The following MAP3K5 variants were observed in gnomAD, a reference collection of about 807,000 sequenced individuals.
The protein encoded by MAP3K5 is ASK-1.
Under a neutral mutation model 158.7 loss-of-function variants are expected in MAP3K5, and 56 were observed. The ratio of observed to expected loss-of-function variants is 0.35; its 90% CI spans 0.28 to 0.44. MAP3K5 has a LOEUF of 0.44. Ranked by LOEUF, MAP3K5 falls within the 20% of genes least tolerant of loss-of-function variation. The pLI, the probability that MAP3K5 is intolerant of heterozygous loss-of-function variation, is 1.00. For missense variants in MAP3K5, 1,294 were observed against 1,674.8 expected (o/e 0.77, Z 3.97); for synonymous variants, 579 against 601.7 (o/e 0.96, Z 0.55).
intron 15 of MAP3K5, among the ~76,000 whole-genome samples, chr6:136,622,332 T>G (rs1250184036): frequency 1.3e-5 from 2 of 152,094 alleles, no homozygotes; most frequent in Non-Finnish European, 2.9e-5. Context: ...CCCACAGAGG[T>G]GAGCAGATCA....
At chr6:136,587,597 T>C (rs1233310410) in intron 23 of MAP3K5, among the ~76,000 whole-genome samples, 1 of 152,100 alleles carries the variant, frequency 6.6e-6, no homozygotes, top group African/African-American at 2.4e-5. Flanking sequence ...TGACCTGCAA[T>C]AGCAGCTGTC....
intron 2 of MAP3K5, among the ~76,000 whole-genome samples, chr6:136,707,249 T>A (rs1180451770): frequency 3.9e-5 from 6 of 152,238 alleles, no homozygotes; most frequent in African/African-American, 1.4e-4. Flanking sequence ...TAAGTCTGGA[T>A]GGAAATGTGT....
At chr6:136,605,111 A>C in intron 19 of MAP3K5, 98 bp downstream of exon 19, 1 of 1,233,334 alleles carries the variant, frequency 8.1e-7, no homozygotes, top group Non-Finnish European at 1.1e-6. Flanking sequence ...GTGTTTACTT[A>C]GCACCCTTTA....
At chr6:136,611,085 G>C (rs956693925) in intron 18 of MAP3K5, among the ~76,000 whole-genome samples, 197 bp downstream of exon 18, 1 of 127,068 alleles carries the variant, frequency 7.9e-6, no homozygotes, top group African/African-American at 3.0e-5. Flanking sequence ...TCCAGCCTAG[G>C]TGACAGGGCA....
chr6:136,777,776 C>T (rs757680576), intron 1 of MAP3K5, among the ~76,000 whole-genome samples: 2 of 149,642 alleles, frequency 1.3e-5, no homozygotes, highest in African/African-American at 2.5e-5. Context: ...TCTAAAGGAA[C>T]CTGGTTTGTT....
intron 7 of MAP3K5, among the ~76,000 whole-genome samples, chr6:136,692,071 C>CTTTTTTTT (rs201011698): frequency 6.7e-6 from 1 of 149,546 alleles, no homozygotes; most frequent in African/African-American, 2.5e-5. Flanking sequence ...TCTTTTTTTT[C>CTTTTTTTT]TTTTTTTCTT....
intron 23 of MAP3K5, 117 bp from the exon 24 acceptor site, chr6:136,583,857 C>A: frequency 1.1e-6 from 1 of 897,338 alleles, no homozygotes; most frequent in South Asian, 1.7e-5. Context: ...GAGACAAGGT[C>A]TCACTATATT....
chr6:136,711,525 G>T (rs538279310), intron 2 of MAP3K5, among the ~76,000 whole-genome samples: 4 of 152,026 alleles, frequency 2.6e-5, no homozygotes, highest in Admixed American at 2.0e-4. Context: ...AATTAGCCAG[G>T]TGTAGCAGCA....
intron 1 of MAP3K5, among the ~76,000 whole-genome samples, chr6:136,752,818 C>G (rs1368937804): frequency 6.6e-6 from 1 of 152,178 alleles, no homozygotes; most frequent in Non-Finnish European, 1.5e-5. Flanking sequence ...AGAAGTTCAG[C>G]GTGGCTGGGA....
intron 8 of MAP3K5, among the ~76,000 whole-genome samples, chr6:136,660,316 C>T (rs1778949345): frequency 6.6e-6 from 1 of 151,934 alleles, no homozygotes; most frequent in East Asian, 1.9e-4. Context: ...CTTCGGAGGG[C>T]CGAGGTGGGA....
At chr6:136,646,614 C>T (rs1778269379) in intron 11 of MAP3K5, among the ~76,000 whole-genome samples, 1 of 152,186 alleles carries the variant, frequency 6.6e-6, no homozygotes, top group African/African-American at 2.4e-5. Context: ...CCTTGGATAA[C>T]CTTGCTCTTT....
intron 18 of MAP3K5, among the ~76,000 whole-genome samples, chr6:136,606,191 A>C (rs566369239): frequency 1.3e-5 from 2 of 152,246 alleles, no homozygotes; most frequent in East Asian, 3.9e-4. Flanking sequence ...TCTCTACTAA[A>C]AATACAAAAA....
intron 1 of MAP3K5, among the ~76,000 whole-genome samples, chr6:136,790,406 G>A (rs1000857647): frequency 6.6e-6 from 1 of 152,160 alleles, no homozygotes; most frequent in African/African-American, 2.4e-5. Context: ...AAATAAGAGT[G>A]CTACAATTTT....
chr6:136,749,319 GC>G (rs1783092841), intron 1 of MAP3K5, among the ~76,000 whole-genome samples: 2 of 150,956 alleles, frequency 1.3e-5, no homozygotes, highest in African/African-American at 4.9e-5. Flanking sequence ...GTTGCAGTGA[GC>G]CAAGATCATG....
Position 136,560,822 on chromosome 6 carries a change from C to G in MAP3K5, c.3987+711G>C, listed in dbSNP as rs1254390468. On this transcript the variant is annotated intron_variant, in intron 28 of 29. Transcript: ENST00000359015. ...ATTAGCTGGGTATGATGGTTCATGT[C>G]TGTAGTCCCAACTATTCAGGAGGCT... Among the ~76,000 whole-genome samples, 3 of 151,592 alleles carry G rather than the reference C, an allele frequency of 2.0e-5. No homozygotes were observed. In the East Asian group the frequency reaches 5.8e-4, roughly 29 times the overall value.
intron 1 of MAP3K5, among the ~76,000 whole-genome samples, chr6:136,726,530 C>T (rs1201006789): frequency 2.6e-5 from 4 of 151,974 alleles, no homozygotes; most frequent in Admixed American, 2.0e-4. Flanking sequence ...GAGGCAGAGG[C>T]TGCAGTGAGC....
At chr6:136,584,014 A>G (rs1025631533) in intron 23 of MAP3K5, among the ~76,000 whole-genome samples, 3 of 152,180 alleles carry the variant, frequency 2.0e-5, no homozygotes, top group African/African-American at 7.2e-5. Flanking sequence ...AGGAAAGACC[A>G]TATTTTGAAC....
intron 8 of MAP3K5, among the ~76,000 whole-genome samples, chr6:136,664,062 G>C (rs907936491): frequency 6.6e-6 from 1 of 152,122 alleles, no homozygotes; most frequent in Non-Finnish European, 1.5e-5. Context: ...GGCCACACAC[G>C]GGAGGTGAGT....
At chr6:136,615,471 T>G (rs1470969548) in intron 15 of MAP3K5, among the ~76,000 whole-genome samples, 2 of 152,234 alleles carry the variant, frequency 1.3e-5, no homozygotes, top group Admixed American at 6.5e-5. Flanking sequence ...AAAACTGGCC[T>G]GTTGGAGAAT....
Sources: gnomAD v4.1 joint callset for allele counts (sites outside exome capture counted in the v4.1 genomes callset) on GRCh38, gnomAD v4.1.1 for gene constraint, MANE v1.5 for transcripts, NCBI Gene and HGNC (gene_info 2026-07-23, HGNC 2026-07-21) for gene names.